NR5A2: variants seen among roughly 807,000 people sequenced by gnomAD.
The protein encoded by NR5A2 is CYP7A promoter-binding factor.
Under a neutral mutation model 62.7 loss-of-function variants are expected in NR5A2, and 26 were observed. That is an observed-to-expected ratio of 0.41 (90% CI 0.30 to 0.58). NR5A2 has a LOEUF of 0.58. Ranked by LOEUF, NR5A2 falls within the 20% of genes least tolerant of loss-of-function variation. NR5A2 has a pLI of 0.22. For synonymous variants in NR5A2, 246 were observed against 241.7 expected, an observed-to-expected ratio of 1.02 and a Z score of -0.16; for missense variants, 541 against 669.1, an observed-to-expected ratio of 0.81 and a Z score of 2.11.
intron 5 of NR5A2, among the ~76,000 whole-genome samples, chr1:200,090,355 G>A (rs1664759357): frequency 6.6e-6 from 1 of 152,140 alleles, no homozygotes; most frequent in African/African-American, 2.4e-5. Flanking sequence ...ATAATGTATT[G>A]GGAGTTAAAA....
intron 7 of NR5A2, among the ~76,000 whole-genome samples, chr1:200,151,457 CATTACTGTGTACATCAAGTAAA>C (rs1337674405): frequency 1.3e-5 from 2 of 152,188 alleles, no homozygotes; most frequent in Non-Finnish European, 2.9e-5. Flanking sequence ...AGCGAGCTTT[CATTACTGTGTACATCAAGTAAA>C]GAGCCCCCCG....
intron 1 of NR5A2, among the ~76,000 whole-genome samples, chr1:200,034,221 G>C (rs1415552170): frequency 2.0e-5 from 3 of 152,176 alleles, no homozygotes; most frequent in Non-Finnish European, 4.4e-5. Flanking sequence ...CGCCGGGATC[G>C]TCGTTCTGTT....
intron 5 of NR5A2, among the ~76,000 whole-genome samples, chr1:200,091,731 C>G (rs1664826794): frequency 6.6e-6 from 1 of 152,136 alleles, no homozygotes; most frequent in African/African-American, 2.4e-5. Flanking sequence ...GATCCACTCG[C>G]CTCAGCCTCC....
intron 5 of NR5A2, among the ~76,000 whole-genome samples, chr1:200,085,662 CAAAA>C (rs779455520): frequency 4.4e-5 from 4 of 91,136 alleles, no homozygotes; most frequent in African/African-American, 7.5e-5. Flanking sequence ...AGACCTATCT[CAAAA>C]AAAAAAAAAA....
intron 7 of NR5A2, among the ~76,000 whole-genome samples, chr1:200,160,975 G>A (rs945264314): frequency 4.4e-5 from 6 of 135,856 alleles, no homozygotes; most frequent in Admixed American, 1.4e-4. Context: ...GTTTCAGGAC[G>A]TGAGTACAAA....
intron 7 of NR5A2, among the ~76,000 whole-genome samples, chr1:200,166,589 A>C (rs1057039943): frequency 1.3e-5 from 2 of 152,218 alleles, no homozygotes; most frequent in Non-Finnish European, 2.9e-5. Flanking sequence ...AGCAAGTGAC[A>C]GAAACTTGCA....
chr1:200,067,294 C>T (rs149526678), intron 5 of NR5A2, among the ~76,000 whole-genome samples: 16 of 152,302 alleles, frequency 1.1e-4, no homozygotes, highest in South Asian at 6.2e-4. Context: ...CGGTGGCTCA[C>T]GCCTGTAATC....
intron 1 of NR5A2, chr1:200,029,769 GC>G (rs1287197795): frequency 6.6e-6 from 1 of 152,124 alleles, no homozygotes; most frequent in Non-Finnish European, 1.5e-5. Flanking sequence ...GCAGCCACCC[GC>G]CCCTTCCCAA....
At chr1:200,058,227 T>C (rs1339846240) in intron 5 of NR5A2, 1 of 152,240 alleles carries the variant, frequency 6.6e-6, no homozygotes, top group Non-Finnish European at 1.5e-5. Flanking sequence ...TTCAGTAGTG[T>C]TGTTTTTTAA....
chr1:200,129,547 A>G (rs1271908031), intron 7 of NR5A2, among the ~76,000 whole-genome samples: 1 of 152,184 alleles, frequency 6.6e-6, no homozygotes, highest in Non-Finnish European at 1.5e-5. Flanking sequence ...CAAGGCTGGC[A>G]TGTGCTCTCT....
chr1:200,035,811 A>C (rs570595102), intron 1 of NR5A2, among the ~76,000 whole-genome samples: 1 of 152,170 alleles, frequency 6.6e-6, no homozygotes, highest in Non-Finnish European at 1.5e-5. Flanking sequence ...CGTCGGAAAG[A>C]AGGAGGTGGA....
rs115671855 is a variant in NR5A2, at chr1:200,149,003, C to A, written c.1379-24960C>A. Reference sequence around the variant, plus strand: ...TCTCAACTTAAAACAACCAACAACTCTTGGGTTCAAACAATTCTCCTGCCT... The same window carrying A: ...TCTCAACTTAAAACAACCAACAACTATTGGGTTCAAACAATTCTCCTGCCT... On this transcript the variant is annotated intron_variant, in intron 7 of 7. Coordinates refer to ENST00000367362, the MANE Select transcript of NR5A2 (RefSeq NM_205860.3). 7.0e-3 allele frequency among the ~76,000 whole-genome samples: 1,053 copies of A among 150,922 alleles called. 7 individuals are homozygous for A. The highest frequency in any genetic ancestry group is 0.012 in the Non-Finnish European group (826 of 67,830).
chr1:200,073,300 A>T (rs1469702006), intron 5 of NR5A2, among the ~76,000 whole-genome samples: 4 of 36,062 alleles, frequency 1.1e-4, no homozygotes, highest in Non-Finnish European at 2.2e-4. Flanking sequence ...ATTCCCCTTT[A>T]TATATATATA....
intron 7 of NR5A2, among the ~76,000 whole-genome samples, chr1:200,142,595 C>T (rs1418698722): frequency 2.0e-5 from 3 of 152,140 alleles, no homozygotes; most frequent in African/African-American, 4.8e-5. Context: ...ATGGCATGAT[C>T]ATGGCTCACT....
At chr1:200,046,555 A>C (rs1172511605) in intron 4 of NR5A2, among the ~76,000 whole-genome samples, 1 of 152,196 alleles carries the variant, frequency 6.6e-6, no homozygotes, top group Non-Finnish European at 1.5e-5. Flanking sequence ...GAAATACTAA[A>C]AAAAAAAATC....
intron 7 of NR5A2, among the ~76,000 whole-genome samples, chr1:200,148,568 G>A (rs779860891): frequency 3.3e-5 from 5 of 152,158 alleles, no homozygotes; most frequent in African/African-American, 4.8e-5. Flanking sequence ...CCAGGCCAGG[G>A]GGCCAGAGAG....
intron 5 of NR5A2, among the ~76,000 whole-genome samples, chr1:200,107,662 CAG>C (rs1016117966): frequency 1.4e-4 from 22 of 152,144 alleles, no homozygotes; most frequent in African/African-American, 5.1e-4. Context: ...TGTTTTGAGA[CAG>C]AGTCTTGTTC....
At chr1:200,161,292 T>A (rs1416096702) in intron 7 of NR5A2, among the ~76,000 whole-genome samples, 1 of 152,204 alleles carries the variant, frequency 6.6e-6, no homozygotes, top group African/African-American at 2.4e-5. Context: ...GCTCAGAATA[T>A]CCCATCGATT....
chr1:200,042,919 G>T (rs1662181496), intron 2 of NR5A2: 1 of 985,482 alleles, frequency 1.0e-6, no homozygotes, highest in African/African-American at 1.7e-5. Context: ...CGCGCCGCGC[G>T]TCGTGGCGGC....
Sources: allele counts gnomAD v4.1 joint callset (sites outside exome capture counted in the v4.1 genomes callset), GRCh38; gene constraint gnomAD v4.1.1; transcripts MANE v1.5; gene names NCBI Gene and HGNC (gene_info 2026-07-23, HGNC 2026-07-21).